CPNE8: variants seen among roughly 807,000 people sequenced by gnomAD.
The protein encoded by CPNE8 is copine-8.
A neutral mutation model predicts 81.5 loss-of-function variants in CPNE8; 45 were observed. The ratio of observed to expected loss-of-function variants is 0.55; its 90% CI spans 0.44 to 0.71. The LOEUF (loss-of-function observed/expected upper bound fraction) is 0.71, where lower values mean the gene tolerates loss of function less well. Among genes scored for constraint, CPNE8 ranks in the 30% least tolerant of loss-of-function variants. CPNE8 has a pLI of 0.00. For missense variants in CPNE8, 594 were observed against 672.1 expected, an observed-to-expected ratio of 0.88 and a Z score of 1.28; for synonymous variants, 252 against 226.3, an observed-to-expected ratio of 1.11 and a Z score of -1.02.
chr12:38,809,832 C>A (rs1172529154), intron 6 of CPNE8, among the ~76,000 whole-genome samples: 1 of 152,126 alleles, frequency 6.6e-6, no homozygotes, highest in African/African-American at 2.4e-5. Context: ...CATCAGGGAC[C>A]TGTGGCTGTA....
chr12:38,887,347 T>C (rs1215648882), intron 1 of CPNE8, among the ~76,000 whole-genome samples: 8 of 151,826 alleles, frequency 5.3e-5, no homozygotes, highest in African/African-American at 1.7e-4. Flanking sequence ...GAAGCCAAAA[T>C]CCAAGGAAAA....
upstream of CPNE8, chr12:38,906,111 T>G (rs12322553): frequency 1.8e-3 from 1,758 of 986,136 alleles, 26 homozygotes; most frequent in African/African-American, 0.028. Context: ...TGCCCCGTTA[T>G]AAGGTCCCCC....
chr12:38,730,154 C>G, intron 11 of CPNE8, 129 bp downstream of exon 11: 1 of 606,606 alleles, frequency 1.6e-6, no homozygotes, highest in Non-Finnish European at 2.9e-6. Context: ...TGCTCAACAA[C>G]TTCAAAGATT....
At chr12:38,729,978 G>A (rs1281848451) in intron 11 of CPNE8, among the ~76,000 whole-genome samples, 1 of 151,942 alleles carries the variant, frequency 6.6e-6, no homozygotes, top group Non-Finnish European at 1.5e-5. Flanking sequence ...ATTAGGAAGA[G>A]ATGGAAGAGG....
intron 6 of CPNE8, among the ~76,000 whole-genome samples, chr12:38,794,634 T>TAA (rs139729909): frequency 2.7e-5 from 4 of 146,792 alleles, no homozygotes; most frequent in East Asian, 2.1e-4. Flanking sequence ...AACTACTATT[T>TAA]AAAAAAAAAC....
chr12:38,782,564 A>G (rs1942079045), intron 6 of CPNE8, among the ~76,000 whole-genome samples: 2 of 152,210 alleles, frequency 1.3e-5, no homozygotes, highest in South Asian at 4.1e-4. Context: ...CTCAGAAAGA[A>G]AGACCTAGAA....
At chr12:38,705,827 C>T (rs895527203) in intron 13 of CPNE8, among the ~76,000 whole-genome samples, 1 of 151,644 alleles carries the variant, frequency 6.6e-6, no homozygotes, top group African/African-American at 2.4e-5. Context: ...AGGGCAGGTA[C>T]CTGGCAGATA....
At chr12:38,905,996 G>C, upstream of CPNE8, 1 of 990,548 alleles carries the variant, frequency 1.0e-6, no homozygotes, top group South Asian at 4.6e-5. Flanking sequence ...CGCCTCCTGG[G>C]CCGCGACAGC....
intron 6 of CPNE8, among the ~76,000 whole-genome samples, chr12:38,822,886 G>C (rs1446253501): frequency 6.6e-6 from 1 of 152,168 alleles, no homozygotes; most frequent in Non-Finnish European, 1.5e-5. Context: ...AAGTAAATTA[G>C]AGAGCATAAC....
rs149624333 is a variant in CPNE8 at position 38,854,767 on chromosome 12, C to T, written c.187-6105G>A. 5.0e-3 allele frequency among the ~76,000 whole-genome samples: 764 copies of T among 152,082 alleles called. 9 individuals carry two copies. Among genetic ancestry groups the T allele is most frequent in the African/African-American group, 0.017 (699 of 41,518 alleles). On this transcript the variant is annotated intron_variant, in intron 3 of 19. Coordinates refer to ENST00000331366, the MANE Select transcript of CPNE8 (RefSeq NM_153634.3). ...CAAGTTAAGTTTTAAAGGAATATACCTCTATACAATAAAAGACATATATGA... is the reference window on the plus strand; with the variant it reads ...CAAGTTAAGTTTTAAAGGAATATACTTCTATACAATAAAAGACATATATGA...
At chr12:38,678,316 G>A (rs1051625646) in intron 16 of CPNE8, among the ~76,000 whole-genome samples, 2 of 151,838 alleles carry the variant, frequency 1.3e-5, no homozygotes, top group Non-Finnish European at 2.9e-5. Context: ...ATTTAGAGGG[G>A]AATTTTATGA....
intron 19 of CPNE8, among the ~76,000 whole-genome samples, chr12:38,661,013 G>A (rs1938939870): frequency 6.6e-6 from 1 of 152,312 alleles, no homozygotes; most frequent in Admixed American, 6.5e-5. Context: ...GTTGGTGGGA[G>A]TGTAAATTAG....
At chr12:38,661,340 G>C (rs1460398475) in intron 19 of CPNE8, among the ~76,000 whole-genome samples, 2 of 152,024 alleles carry the variant, frequency 1.3e-5, no homozygotes, top group East Asian at 1.9e-4. Flanking sequence ...CCATCATTCT[G>C]AGCAAACTAT....
chr12:38,897,507 C>T (rs1375908137), intron 1 of CPNE8, among the ~76,000 whole-genome samples: 1 of 151,756 alleles, frequency 6.6e-6, no homozygotes, highest in African/African-American at 2.4e-5. Flanking sequence ...TAGAATACTG[C>T]ACAGACATGG....
At chr12:38,879,884 T>C (rs1470918259) in intron 1 of CPNE8, among the ~76,000 whole-genome samples, 1 of 151,952 alleles carries the variant, frequency 6.6e-6, no homozygotes, top group East Asian at 1.9e-4. Context: ...AGGGGTTAAG[T>C]CCTCAACTTG....
At position 38,685,345 on chromosome 12, in the gene CPNE8, T is replaced by C; in HGVS notation, c.1271+145A>G. On this transcript the variant is annotated intron_variant, in intron 16 of 19. Transcript: ENST00000331366. The stretch of plus-strand genomic sequence containing the variant: ...TATCATGATCGTTTGATAGAGACTC[T>C]TTCTAACATACATTTTTTCCCCACT... The C allele has an allele frequency of 3.9e-6, 3 of 764,254 alleles. No individual in the cohort carries two copies. The East Asian group carries it at 8.3e-5, about 21-fold the overall frequency. The allele number at this position is 764,254 out of a possible 1,614,324, so 47.3% of individuals were successfully genotyped here.
In CPNE8 at chr12:38,862,661, G is replaced by A. The variant is rs551042920; in HGVS notation, c.186+10343C>T. ...AGCTGTCATTCTCAAGAACTTAGAAGAGAAAGGCTGGGTGCAATGGCTCAC... is the reference window on the plus strand; with the variant it reads ...AGCTGTCATTCTCAAGAACTTAGAAAAGAAAGGCTGGGTGCAATGGCTCAC... On this transcript the variant is annotated intron_variant, in intron 3 of 19. Transcript: ENST00000331366. 5.3e-5 allele frequency among the ~76,000 whole-genome samples: 8 copies of A among 152,228 alleles called. No individual in the cohort carries two copies. In the South Asian group the frequency reaches 1.7e-3, roughly 32 times the overall value.
intron 3 of CPNE8, among the ~76,000 whole-genome samples, chr12:38,853,139 G>T (rs1166513526): frequency 1.3e-5 from 2 of 152,102 alleles, no homozygotes; most frequent in Non-Finnish European, 2.9e-5. Context: ...GAATGTATTA[G>T]CTATCAACCA....
chr12:38,895,838 T>A (rs1012558098), intron 1 of CPNE8, among the ~76,000 whole-genome samples: 1 of 152,114 alleles, frequency 6.6e-6, no homozygotes, highest in Non-Finnish European at 1.5e-5. Context: ...AAGAACAACA[T>A]AATATAGCTA....
Sources: allele counts gnomAD v4.1 joint callset (sites outside exome capture counted in the v4.1 genomes callset), GRCh38; gene constraint gnomAD v4.1.1; transcripts MANE v1.5; gene names NCBI Gene and HGNC (gene_info 2026-07-23, HGNC 2026-07-21).